WDR7: variants seen among roughly 807,000 people sequenced by gnomAD.
The protein encoded by WDR7 is WD repeat-containing protein 7.
A neutral mutation model predicts 169.4 loss-of-function variants in WDR7; 46 were observed. That is an observed-to-expected ratio of 0.27 (90% CI 0.21 to 0.35). WDR7 has a LOEUF of 0.35. WDR7 is among the 10% of genes least tolerant of loss of function. WDR7 has a pLI of 1.00. For synonymous variants in WDR7, 612 were observed against 666.8 expected (o/e 0.92, Z 1.27); for missense variants, 1,534 against 1,859.3 (o/e 0.83, Z 3.22).
chr18:56,674,196 A>G (rs2025195802), intron 2 of WDR7, among the ~76,000 whole-genome samples: 1 of 152,192 alleles, frequency 6.6e-6, no homozygotes, highest in African/African-American at 2.4e-5. Context: ...TTAACCTGTT[A>G]TTTAAGGAAC....
At chr18:56,739,406 G>GC (rs925568574) in intron 14 of WDR7, among the ~76,000 whole-genome samples, 12 of 151,738 alleles carry the variant, frequency 7.9e-5, no homozygotes, top group South Asian at 4.2e-4. Flanking sequence ...AACTCCATTT[G>GC]CCCCCCCTTC....
intron 20 of WDR7, among the ~76,000 whole-genome samples, chr18:56,842,347 A>G (rs1295717463): frequency 6.6e-6 from 1 of 151,810 alleles, no homozygotes; most frequent in Non-Finnish European, 1.5e-5. Flanking sequence ...GGGGGACCAA[A>G]TCATCCTTTT....
At chr18:56,706,876 C>T (rs1036307830) in intron 12 of WDR7, among the ~76,000 whole-genome samples, 6 of 151,322 alleles carry the variant, frequency 4.0e-5, no homozygotes, top group African/African-American at 1.2e-4. Context: ...TTAGTAGAGA[C>T]GGGGTTTCAC....
intron 26 of WDR7, among the ~76,000 whole-genome samples, chr18:57,017,312 C>T (rs1018782489): frequency 7.9e-5 from 12 of 152,168 alleles, no homozygotes; most frequent in South Asian, 2.1e-4. Context: ...CTTGCTCTTA[C>T]GAGACAGCAG....
intron 20 of WDR7, among the ~76,000 whole-genome samples, chr18:56,816,664 CAT>C (rs2044976531): frequency 6.6e-6 from 1 of 152,128 alleles, no homozygotes; most frequent in African/African-American, 2.4e-5. Flanking sequence ...AGGTGAAAAA[CAT>C]AAAGCAAATT....
At chr18:57,034,527 G>C (rs1404268593), downstream of WDR7, 1 of 152,216 alleles carries the variant, frequency 6.6e-6, no homozygotes, top group East Asian at 1.9e-4. Context: ...ACCATGAAAA[G>C]AAGGACCCAT....
chr18:56,984,303 T>G (rs2047684478), intron 26 of WDR7, among the ~76,000 whole-genome samples: 1 of 152,180 alleles, frequency 6.6e-6, no homozygotes. Context: ...TATGAAATAT[T>G]AGCATCATAT....
At chr18:56,849,020 G>A (rs568135944) in intron 20 of WDR7, among the ~76,000 whole-genome samples, 44 of 151,996 alleles carry the variant, frequency 2.9e-4, no homozygotes, top group Non-Finnish European at 5.3e-4. Flanking sequence ...TCCAAGCTTC[G>A]TGGCTCTTTC....
At chr18:56,703,548 A>C (rs1167220316) in intron 12 of WDR7, among the ~76,000 whole-genome samples, 1 of 152,190 alleles carries the variant, frequency 6.6e-6, no homozygotes, top group African/African-American at 2.4e-5. Context: ...TACAATGTAC[A>C]TAATGTTCTG....
intron 19 of WDR7, among the ~76,000 whole-genome samples, chr18:56,810,790 A>G (rs2044855525): frequency 6.6e-6 from 1 of 152,184 alleles, no homozygotes. Context: ...ATTGACACGT[A>G]ATTCACTTAA....
At chr18:56,765,421 T>G (rs2044047639) in intron 16 of WDR7, among the ~76,000 whole-genome samples, 1 of 152,086 alleles carries the variant, frequency 6.6e-6, no homozygotes. Flanking sequence ...AGTAGTTTTT[T>G]TAGAGTCTGT....
At chr18:56,964,578 G>T (rs2047381176) in intron 26 of WDR7, among the ~76,000 whole-genome samples, 1 of 151,978 alleles carries the variant, frequency 6.6e-6, no homozygotes, top group Admixed American at 6.6e-5. Context: ...AGTAGAGATG[G>T]GGTCTCATCA....
chr18:56,948,321 A>G (rs188644211), intron 25 of WDR7, among the ~76,000 whole-genome samples: 181 of 152,016 alleles, frequency 1.2e-3, no homozygotes, highest in Middle Eastern at 6.8e-3. Flanking sequence ...ACTCACTTTT[A>G]TTGTTTTAAG....
intron 14 of WDR7, among the ~76,000 whole-genome samples, chr18:56,739,758 TG>T (rs148104938): frequency 0.033 from 4,993 of 151,144 alleles, 269 homozygotes; most frequent in African/African-American, 0.11. Flanking sequence ...CATCTTTTTT[TG>T]GGGGGGGGAA....
chr18:56,952,932 G>T (rs771676440), intron 25 of WDR7, among the ~76,000 whole-genome samples: 3 of 152,190 alleles, frequency 2.0e-5, no homozygotes, highest in Non-Finnish European at 4.4e-5. Context: ...GTTGCCAGAG[G>T]TCGGGGGAGA....
intron 19 of WDR7, among the ~76,000 whole-genome samples, chr18:56,814,566 G>A (rs1175452357): frequency 6.6e-6 from 1 of 151,882 alleles, no homozygotes; most frequent in African/African-American, 2.4e-5. Flanking sequence ...ATCTAACAAA[G>A]TGCTTCTGTA....
chr18:56,915,624 TA>T (rs2046613947), intron 21 of WDR7, among the ~76,000 whole-genome samples: 1 of 152,168 alleles, frequency 6.6e-6, no homozygotes, highest in Admixed American at 6.5e-5. Context: ...TTGACTAGCC[TA>T]GGGGGGACCA....
At chr18:56,817,576 G>A (rs1224612791) in intron 20 of WDR7, among the ~76,000 whole-genome samples, 1 of 152,064 alleles carries the variant, frequency 6.6e-6, no homozygotes, top group Admixed American at 6.5e-5. Flanking sequence ...GATGATGATG[G>A]TGGCTATTAC....
intron 21 of WDR7, among the ~76,000 whole-genome samples, chr18:56,900,510 C>T (rs1419924904): frequency 6.6e-6 from 1 of 152,076 alleles, no homozygotes; most frequent in Non-Finnish European, 1.5e-5. Flanking sequence ...AAAAGAGACT[C>T]AGGGGTCCAG....
Sources: gnomAD v4.1 joint callset for allele counts (sites outside exome capture counted in the v4.1 genomes callset) on GRCh38, gnomAD v4.1.1 for gene constraint, MANE v1.5 for transcripts, NCBI Gene and HGNC (gene_info 2026-07-23, HGNC 2026-07-21) for gene names.